The following SLC15A1 variants were observed in gnomAD, a reference collection of about 807,000 sequenced individuals.
SLC15A1 encodes Caco-2 oligopeptide transporter.
Under a neutral mutation model 92.9 loss-of-function variants are expected in SLC15A1, and 83 were observed. That is an observed-to-expected ratio of 0.89 (90% CI 0.75 to 1.07). SLC15A1 has a LOEUF of 1.07. SLC15A1 is among the 50% of genes least tolerant of loss of function. The pLI is 0.00. For synonymous variants in SLC15A1, 322 were observed against 318.2 expected (o/e 1.01, Z -0.13); for missense variants, 857 against 880.1 (o/e 0.97, Z 0.33).
intron 11 of SLC15A1, among the ~76,000 whole-genome samples, chr13:98,711,564 T>C (rs1419057932): frequency 1.3e-5 from 2 of 152,114 alleles, no homozygotes; most frequent in Non-Finnish European, 1.5e-5. Flanking sequence ...ATTGGAAGAG[T>C]GCTGGATGAA....
At position 98,684,545 on chromosome 13, in the gene SLC15A1, C is replaced by CAAAAA. The variant is rs4646233; in HGVS notation, c.*174_*178dup. The CAAAAA allele has an allele frequency of 2.7e-3, 526 of 191,874 alleles. No individual in the cohort carries two copies. The highest frequency in any genetic ancestry group is 3.5e-3 in the South Asian group (35 of 10,056). 11.9% of individuals were successfully genotyped at this position (191,874 alleles called of 1,614,324 possible). On this transcript the variant is annotated 3_prime_UTR_variant, in exon 23 of 23. Transcript: ENST00000376503. Reference sequence around the variant, plus strand: ...GGACAACAAGAGCAAAACTCTGTCTCAAAAAAAAAAAAAAAAAAAAAAAGA... The same window carrying CAAAAA: ...GGACAACAAGAGCAAAACTCTGTCTCAAAAAAAAAAAAAAAAAAAAAAAAAAAAGA...
At chr13:98,723,196 C>G (rs79160980) in intron 5 of SLC15A1, among the ~76,000 whole-genome samples, 3,079 of 152,284 alleles carry the variant, frequency 0.02, 49 homozygotes, top group Non-Finnish European at 0.033. Context: ...CGACACAGTT[C>G]CCTCTGGGCA....
intron 1 of SLC15A1, among the ~76,000 whole-genome samples, chr13:98,732,880 T>G (rs189943823): frequency 6.6e-6 from 1 of 152,186 alleles, no homozygotes; most frequent in Non-Finnish European, 1.5e-5. Flanking sequence ...CCCCTAGAGA[T>G]GTCCATGTCG....
At chr13:98,746,506 A>T (rs114028712) in intron 1 of SLC15A1, among the ~76,000 whole-genome samples, 2,796 of 152,252 alleles carry the variant, frequency 0.018, 94 homozygotes, top group African/African-American at 0.063. Flanking sequence ...TTTCTCTGCA[A>T]GGTGTTTTGA....
chr13:98,702,339 G>T, intron 18 of SLC15A1, 141 bp downstream of exon 18: 1 of 676,638 alleles, frequency 1.5e-6, no homozygotes, highest in African/African-American at 1.8e-5. Context: ...ATTTTTTTGG[G>T]GAATATTCAG....
At chr13:98,746,520 A>G (rs2088494246) in intron 1 of SLC15A1, among the ~76,000 whole-genome samples, 1 of 152,186 alleles carries the variant, frequency 6.6e-6, no homozygotes, top group Non-Finnish European at 1.5e-5. Flanking sequence ...GTTTTGATTT[A>G]ATGGAAAAAA....
intron 1 of SLC15A1, among the ~76,000 whole-genome samples, chr13:98,751,778 C>T (rs1463674951): frequency 6.6e-6 from 1 of 152,236 alleles, no homozygotes. Context: ...ACCGACATTC[C>T]TGTCTACAGG....
At position 98,684,666 on chromosome 13, in the gene SLC15A1, G is replaced by A. The variant is rs2087916221; in HGVS notation, c.*58C>T. 7 of 1,448,002 alleles carry A rather than the reference G, an allele frequency of 4.8e-6. No individual in the cohort carries two copies. Among genetic ancestry groups the A allele is most frequent in the Admixed American group, 1.7e-5 (1 of 57,866 alleles). 89.7% of individuals were successfully genotyped at this position (1,448,002 alleles called of 1,614,324 possible). A position where few individuals can be genotyped will look rare whatever the true frequency, so the allele number is the denominator to read the frequency against. On this transcript the variant is annotated 3_prime_UTR_variant, in exon 23 of 23. Coordinates refer to ENST00000376503, the MANE Select transcript of SLC15A1 (RefSeq NM_005073.4). Reference sequence around the variant, plus strand: ...CATCCAATGGAGTGTCCTGCTACCTGGGGGCAGAGGTCAGGGCATCTGCGG... The same window carrying A: ...CATCCAATGGAGTGTCCTGCTACCTAGGGGCAGAGGTCAGGGCATCTGCGG...
At chr13:98,719,856 A>G (rs2088241356) in intron 7 of SLC15A1, among the ~76,000 whole-genome samples, 1 of 152,206 alleles carries the variant, frequency 6.6e-6, no homozygotes, top group Non-Finnish European at 1.5e-5. Context: ...CAATACATCA[A>G]TGAATGGTCT....
intron 22 of SLC15A1, 27 bp from the exon 23 acceptor site, chr13:98,684,942 G>T: frequency 6.3e-7 from 1 of 1,584,000 alleles, no homozygotes; most frequent in Non-Finnish European, 8.6e-7. Flanking sequence ...GTTGGAGCAG[G>T]AAAAAGAACA....
In SLC15A1 at chr13:98,742,569, G is replaced by A. The variant is rs538927038; in HGVS notation, c.4+10026C>T. 8.5e-5 allele frequency among the ~76,000 whole-genome samples: 13 copies of A among 152,284 alleles called. No homozygotes were observed. In the South Asian group the frequency reaches 1.9e-3, roughly 22 times the overall value. On this transcript the variant is annotated intron_variant, in intron 1 of 22. Coordinates refer to ENST00000376503, the MANE Select transcript of SLC15A1 (RefSeq NM_005073.4). ...GTGGCCTTTCACAGTTCTGGAGGCCGGAAGTCTGAGATGGAGGTCGGCAGG... is the reference window on the plus strand; with the variant it reads ...GTGGCCTTTCACAGTTCTGGAGGCCAGAAGTCTGAGATGGAGGTCGGCAGG...
chr13:98,704,487 T>G (rs1335389142), intron 16 of SLC15A1, 52 bp from the exon 17 acceptor site: 1 of 1,531,074 alleles, frequency 6.5e-7, no homozygotes, highest in East Asian at 2.3e-5. Flanking sequence ...CTCGGCACTA[T>G]GCAACTGAAC....
At chr13:98,727,074 C>T (rs1201971145) in intron 1 of SLC15A1, among the ~76,000 whole-genome samples, 3 of 152,160 alleles carry the variant, frequency 2.0e-5, no homozygotes, top group Non-Finnish European at 4.4e-5. Context: ...TCAGGCAATT[C>T]TCGTATGCAG....
chr13:98,738,625 C>G (rs573929267), intron 1 of SLC15A1, among the ~76,000 whole-genome samples: 11 of 152,242 alleles, frequency 7.2e-5, no homozygotes, highest in Non-Finnish European at 1.5e-4. Flanking sequence ...AGCCTGCAGG[C>G]GCACAGACTG....
chr13:98,727,274 C>A (rs2088310189), intron 1 of SLC15A1, among the ~76,000 whole-genome samples: 1 of 152,248 alleles, frequency 6.6e-6, no homozygotes, highest in Non-Finnish European at 1.5e-5. Context: ...TGTGCACACT[C>A]AACCGCCACC....
chr13:98,741,717 C>G (rs1317322474), intron 1 of SLC15A1, among the ~76,000 whole-genome samples: 1 of 133,356 alleles, frequency 7.5e-6, no homozygotes, highest in African/African-American at 2.7e-5. Flanking sequence ...GAGGGAGACT[C>G]CGTCTCAAAA....
intron 5 of SLC15A1, among the ~76,000 whole-genome samples, chr13:98,723,579 C>T (rs117119049): frequency 1.1e-4 from 16 of 152,022 alleles, no homozygotes; most frequent in African/African-American, 1.5e-4. Flanking sequence ...GGACACCTGG[C>T]GGTGTGAAGG....
At chr13:98,689,400 C>A (rs373813286) in intron 18 of SLC15A1, among the ~76,000 whole-genome samples, 1 of 152,248 alleles carries the variant, frequency 6.6e-6, no homozygotes, top group East Asian at 1.9e-4. Flanking sequence ...GAAGGGCACC[C>A]GGGACTGGAG....
At chr13:98,709,412 C>T (rs2088142657) in intron 14 of SLC15A1, among the ~76,000 whole-genome samples, 160 bp downstream of exon 14, 1 of 152,192 alleles carries the variant, frequency 6.6e-6, no homozygotes, top group African/African-American at 2.4e-5. Flanking sequence ...TTTTAAAGAA[C>T]ATTTTCAGAA....
Sources: allele counts gnomAD v4.1 joint callset (sites outside exome capture counted in the v4.1 genomes callset), GRCh38; gene constraint gnomAD v4.1.1; transcripts MANE v1.5; gene names NCBI Gene and HGNC (gene_info 2026-07-23, HGNC 2026-07-21).